CNTN1: variants seen among roughly 807,000 people sequenced by gnomAD.
CNTN1 encodes the protein contactin-1.
A neutral mutation model predicts 126.4 loss-of-function variants in CNTN1; 38 were observed. The observed-to-expected ratio is 0.30, with a 90% CI of 0.23 to 0.39. The LOEUF (loss-of-function observed/expected upper bound fraction) is 0.39. Among genes scored for constraint, CNTN1 ranks in the 10% least tolerant of loss-of-function variants. The pLI, the probability that CNTN1 is intolerant of heterozygous loss-of-function variation, is 1.00. For synonymous variants in CNTN1, 413 were observed against 422.6 expected (o/e 0.98, Z 0.28); for missense variants, 1,009 against 1,248.4 (o/e 0.81, Z 2.89).
intron 1 of CNTN1, among the ~76,000 whole-genome samples, chr12:40,891,834 T>C (rs1944249606): frequency 6.6e-6 from 1 of 152,112 alleles, no homozygotes; most frequent in African/African-American, 2.4e-5. Context: ...ACAGTGTCCG[T>C]CCTCCAGCTT....
intron 1 of CNTN1, among the ~76,000 whole-genome samples, chr12:40,848,339 CAAAAATGGTA>C (rs1202074838): frequency 2.6e-5 from 4 of 152,092 alleles, no homozygotes; most frequent in Non-Finnish European, 4.4e-5. Context: ...TTAATGTTAG[CAAAAATGGTA>C]CTGTGCTCTA....
At chr12:40,846,937 G>A (rs1195689548) in intron 1 of CNTN1, among the ~76,000 whole-genome samples, 2 of 152,020 alleles carry the variant, frequency 1.3e-5, no homozygotes, top group African/African-American at 2.4e-5. Context: ...GTGCGATCTC[G>A]GCTCACTGCA....
intron 1 of CNTN1, among the ~76,000 whole-genome samples, chr12:40,807,097 A>G (rs1940888668): frequency 3.3e-5 from 5 of 152,096 alleles, no homozygotes; most frequent in Admixed American, 3.3e-4. Flanking sequence ...CACTGATTCT[A>G]TACCTGGAGA....
chr12:40,880,299 A>G (rs1943827781), intron 1 of CNTN1, among the ~76,000 whole-genome samples: 1 of 152,176 alleles, frequency 6.6e-6, no homozygotes, highest in Non-Finnish European at 1.5e-5. Flanking sequence ...AATTTAGGAA[A>G]TCTGAGTAAG....
At chr12:40,853,677 CT>C (rs1442462360) in intron 1 of CNTN1, among the ~76,000 whole-genome samples, 2 of 151,618 alleles carry the variant, frequency 1.3e-5, no homozygotes, top group African/African-American at 4.8e-5. Flanking sequence ...TTTTTTCCCC[CT>C]ATAGACTGTA....
chr12:41,058,170 CA>C, intron 23 of CNTN1, among the ~76,000 whole-genome samples: 1 of 152,098 alleles, frequency 6.6e-6, no homozygotes, highest in South Asian at 2.1e-4. Context: ...ATAGTAAATC[CA>C]AAATGAGTCA....
At chr12:40,756,209 G>A (rs1938604358) in intron 1 of CNTN1, among the ~76,000 whole-genome samples, 2 of 152,048 alleles carry the variant, frequency 1.3e-5, no homozygotes, top group South Asian at 2.1e-4. Flanking sequence ...TGAGTTGGGG[G>A]TGAGGGAGCA....
At chr12:41,030,233 A>C (rs1171884072) in intron 23 of CNTN1, among the ~76,000 whole-genome samples, 1 of 152,042 alleles carries the variant, frequency 6.6e-6, no homozygotes, top group Non-Finnish European at 1.5e-5. Flanking sequence ...GATATAAAGA[A>C]ATAAATATGC....
chr12:41,035,547 A>G (rs528213020), intron 23 of CNTN1, among the ~76,000 whole-genome samples: 3 of 152,208 alleles, frequency 2.0e-5, no homozygotes, highest in African/African-American at 7.2e-5. Context: ...TAAAGAACCA[A>G]CAAACAAATA....
chr12:40,867,257 C>T (rs1410120465), intron 1 of CNTN1, among the ~76,000 whole-genome samples: 4 of 152,144 alleles, frequency 2.6e-5, no homozygotes, highest in African/African-American at 9.7e-5. Flanking sequence ...GGTCTCCCCA[C>T]ACCCCATCTG....
intron 1 of CNTN1, among the ~76,000 whole-genome samples, chr12:40,736,332 G>A (rs771844472): frequency 2.6e-5 from 4 of 151,698 alleles, no homozygotes; most frequent in Admixed American, 2.0e-4. Flanking sequence ...CTCAGACCAC[G>A]GCAAACAAAT....
chr12:40,727,221 C>CA (rs140334592), intron 1 of CNTN1, among the ~76,000 whole-genome samples: 2 of 149,574 alleles, frequency 1.3e-5, no homozygotes, highest in Admixed American at 1.3e-4. Context: ...AAGATTGGGG[C>CA]AAAAAAAAAT....
chr12:40,975,178 T>TTTTATA (rs1566073947), intron 15 of CNTN1, among the ~76,000 whole-genome samples: 3 of 48,648 alleles, frequency 6.2e-5, no homozygotes, highest in South Asian at 6.4e-4. Flanking sequence ...GTAAAATGGA[T>TTTTATA]TATATATATA....
chr12:40,964,303 T>C (rs1444119806), intron 15 of CNTN1, among the ~76,000 whole-genome samples: 3 of 152,176 alleles, frequency 2.0e-5, no homozygotes, highest in African/African-American at 7.2e-5. Context: ...GACTTTGCTA[T>C]CTAAACTTTT....
At chr12:41,046,724 A>G (rs1483402963) in intron 23 of CNTN1, among the ~76,000 whole-genome samples, 1 of 151,952 alleles carries the variant, frequency 6.6e-6, no homozygotes, top group South Asian at 2.1e-4. Context: ...TTTTGATTTT[A>G]AATACTGTGT....
At chr12:41,039,133 T>C (rs1308333960) in intron 23 of CNTN1, among the ~76,000 whole-genome samples, 2 of 152,168 alleles carry the variant, frequency 1.3e-5, no homozygotes, top group Non-Finnish European at 2.9e-5. Flanking sequence ...GAGAAGCCAT[T>C]GAACCAGTTT....
chr12:40,875,161 A>T (rs1356045236), intron 1 of CNTN1, among the ~76,000 whole-genome samples: 6 of 152,158 alleles, frequency 3.9e-5, no homozygotes, highest in Non-Finnish European at 8.8e-5. Context: ...CTGGGGATCA[A>T]GTCTAGACAT....
At chr12:40,944,724 A>C (rs1946377341) in intron 14 of CNTN1, among the ~76,000 whole-genome samples, 1 of 152,026 alleles carries the variant, frequency 6.6e-6, no homozygotes, top group Non-Finnish European at 1.5e-5. Flanking sequence ...AAGGTGTAGA[A>C]AGAAATAAAA....
intron 19 of CNTN1, among the ~76,000 whole-genome samples, chr12:41,017,642 G>A (rs1948811159): frequency 6.6e-6 from 1 of 151,812 alleles, no homozygotes. Flanking sequence ...AGCTCTTTTT[G>A]TTTTTCTAGA....
Sources: gnomAD v4.1 joint callset for allele counts (sites outside exome capture counted in the v4.1 genomes callset) on GRCh38, gnomAD v4.1.1 for gene constraint, MANE v1.5 for transcripts, NCBI Gene and HGNC (gene_info 2026-07-23, HGNC 2026-07-21) for gene names.